SPON1: variants seen among roughly 807,000 people sequenced by gnomAD.
SPON1 encodes the protein spondin 1, also known as spondin-1.
Under a neutral mutation model 111.7 loss-of-function variants are expected in SPON1, and 52 were observed. That is an observed-to-expected ratio of 0.47 (90% CI 0.37 to 0.59). The LOEUF (loss-of-function observed/expected upper bound fraction) is 0.59, where lower values mean the gene tolerates loss of function less well. Among genes scored for constraint, SPON1 ranks in the 20% least tolerant of loss-of-function variants. The probability of loss-of-function intolerance (pLI) is 0.00; values close to 1 mark genes in which losing one functional copy is unlikely to be tolerated. For synonymous variants in SPON1, 410 were observed against 395.8 expected, an observed-to-expected ratio of 1.04 and a Z score of -0.43; for missense variants, 957 against 1,068.5, an observed-to-expected ratio of 0.90 and a Z score of 1.46.
At chr11:14,065,750 G>A (rs1591365996) in intron 3 of SPON1, among the ~76,000 whole-genome samples, 1 of 152,228 alleles carries the variant, frequency 6.6e-6, no homozygotes, top group South Asian at 2.1e-4. Flanking sequence ...ACCCCTTTGA[G>A]AAGCAGATGA....
At position 14,222,653 on chromosome 11, in the gene SPON1, C is replaced by A. The variant is rs11023148; in HGVS notation, c.826-20679C>A. 8.7e-3 allele frequency among the ~76,000 whole-genome samples: 1,318 copies of A among 152,264 alleles called. 19 individuals carry two copies. Among genetic ancestry groups the A allele is most frequent in the African/African-American group, 0.03 (1,243 of 41,538 alleles). ...GAATCCTCCCTCATCTGTATGTATA[C>A]CATCATCAGGTCGGAAAAATACCTC... On this transcript the variant is annotated intron_variant, in intron 6 of 15. Coordinates refer to ENST00000576479, the MANE Select transcript of SPON1 (RefSeq NM_006108.4).
At chr11:14,199,771 T>C (rs1026625227) in intron 6 of SPON1, among the ~76,000 whole-genome samples, 2 of 152,246 alleles carry the variant, frequency 1.3e-5, no homozygotes, top group African/African-American at 4.8e-5. Context: ...GTTCTGAGCA[T>C]GCCAGCTATA....
chr11:14,011,791 T>C (rs1328874079), intron 2 of SPON1, among the ~76,000 whole-genome samples: 1 of 152,114 alleles, frequency 6.6e-6, no homozygotes, highest in Non-Finnish European at 1.5e-5. Context: ...GGAGGAGTGT[T>C]GCTTGGAGAG....
intron 2 of SPON1, among the ~76,000 whole-genome samples, chr11:13,989,503 A>T (rs1181342908): frequency 1.3e-5 from 2 of 152,002 alleles, no homozygotes; most frequent in African/African-American, 2.4e-5. Context: ...CAGCTCCTGG[A>T]TTCATTGATT....
At chr11:14,082,735 A>G (rs1848972559) in intron 5 of SPON1, among the ~76,000 whole-genome samples, 1 of 152,250 alleles carries the variant, frequency 6.6e-6, no homozygotes, top group Admixed American at 6.5e-5. Flanking sequence ...TAATGTTCTC[A>G]AAAGTTATTT....
chr11:13,986,153 A>T (rs1848180843), intron 2 of SPON1, among the ~76,000 whole-genome samples: 1 of 152,234 alleles, frequency 6.6e-6, no homozygotes, highest in South Asian at 2.1e-4. Flanking sequence ...AAGCCTAAGG[A>T]GTCCTCCTTG....
chr11:14,238,561 T>C (rs1016101326), intron 6 of SPON1, among the ~76,000 whole-genome samples: 2 of 152,114 alleles, frequency 1.3e-5, no homozygotes, highest in Non-Finnish European at 2.9e-5. Flanking sequence ...AGTCTTACTT[T>C]CTGTTCTGCT....
intron 5 of SPON1, among the ~76,000 whole-genome samples, chr11:14,090,839 CCCCCCG>C (rs1236919451): frequency 0.013 from 507 of 38,218 alleles, 26 homozygotes; most frequent in South Asian, 0.072. Flanking sequence ...CCCCCCCCCC[CCCCCCG>C]CCCACATCCT....
chr11:14,126,798 C>T (rs1847465238), intron 5 of SPON1, among the ~76,000 whole-genome samples: 1 of 152,126 alleles, frequency 6.6e-6, no homozygotes, highest in Non-Finnish European at 1.5e-5. Flanking sequence ...TTTCCCAGCC[C>T]TCCTGATACC....
At chr11:14,066,584 C>G (rs1400916003) in intron 3 of SPON1, among the ~76,000 whole-genome samples, 10 of 152,124 alleles carry the variant, frequency 6.6e-5, no homozygotes, top group Non-Finnish European at 1.0e-4. Context: ...AGCAGGTACC[C>G]CTAAGGATTT....
chr11:14,228,059 T>C lies in SPON1; in HGVS notation c.826-15273T>C, dbSNP rs909511702. On this transcript the variant is annotated intron_variant, in intron 6 of 15. Transcript: ENST00000576479. This position sits in a 1 kb window ranked among gnomAD's most constrained non-coding sequence, Gnocchi z 4.2. The stretch of plus-strand genomic sequence containing the variant: ...TAACACAAATAAAACTGCAAACACT[T>C]TAAATGCTAATTAAGAACATTGCTT... Among the ~76,000 whole-genome samples the C allele has an allele frequency of 6.6e-6, 1 of 152,228 alleles. No homozygotes were observed. Among genetic ancestry groups the C allele is most frequent in the African/African-American group, 2.4e-5 (1 of 41,456 alleles).
Position 14,181,789 on chromosome 11 carries a change from G to A in SPON1, c.825+46221G>A, listed in dbSNP as rs1338126248. Reference sequence around the variant, plus strand: ...CTCTTCCCCTCTCTTGACTCCTATTGTATTTGCTAAAATGACACTTCTGGT... The same window carrying A: ...CTCTTCCCCTCTCTTGACTCCTATTATATTTGCTAAAATGACACTTCTGGT... On this transcript the variant is annotated intron_variant, in intron 6 of 15. Transcript: ENST00000576479. 3.9e-5 allele frequency among the ~76,000 whole-genome samples: 6 copies of A among 152,184 alleles called. No individual in the cohort carries two copies. The East Asian group carries it at 1.2e-3, about 29-fold the overall frequency.
intron 14 of SPON1, 71 bp from the exon 15 acceptor site, chr11:14,262,641 G>T (rs1258940858): frequency 1.9e-6 from 3 of 1,585,748 alleles, no homozygotes; most frequent in Non-Finnish European, 2.6e-6. Context: ...TTGTTGAGAT[G>T]TTCAAAGGAG....
chr11:14,177,914 C>T (rs1401425576), intron 6 of SPON1, among the ~76,000 whole-genome samples: 1 of 152,134 alleles, frequency 6.6e-6, no homozygotes, highest in Admixed American at 6.5e-5. Flanking sequence ...TTCCCTGACA[C>T]ATGTAAGAAT....
At chr11:14,003,510 G>A (rs748959639) in intron 2 of SPON1, among the ~76,000 whole-genome samples, 1 of 152,072 alleles carries the variant, frequency 6.6e-6, no homozygotes, top group African/African-American at 2.4e-5. Flanking sequence ...CAGTGTCTGG[G>A]AATGTTCAAG....
chr11:13,984,440 A>C (rs1308919340), intron 2 of SPON1, among the ~76,000 whole-genome samples: 1 of 152,094 alleles, frequency 6.6e-6, no homozygotes, highest in Non-Finnish European at 1.5e-5. Flanking sequence ...GCATCTTATG[A>C]GGGCCTTCTT....
chr11:14,170,607 A>T (rs1230726195), intron 6 of SPON1, among the ~76,000 whole-genome samples: 1 of 151,800 alleles, frequency 6.6e-6, no homozygotes, highest in African/African-American at 2.4e-5. Flanking sequence ...GTTTTTGTCC[A>T]TTCAGTATGA....
chr11:13,963,215 G>C (rs1373341100), intron 1 of SPON1, 73 bp downstream of exon 1: 14 of 1,213,222 alleles, frequency 1.2e-5, no homozygotes, highest in Non-Finnish European at 1.6e-5. Flanking sequence ...CGCGGTGCCG[G>C]AGGAGGGCGC....
At chr11:14,198,339 C>A (rs1554935281) in intron 6 of SPON1, among the ~76,000 whole-genome samples, 1 of 152,204 alleles carries the variant, frequency 6.6e-6, no homozygotes, top group African/African-American at 2.4e-5. Context: ...AACCTCTTTG[C>A]CTTATGACCG....
Sources: allele counts gnomAD v4.1 joint callset (sites outside exome capture counted in the v4.1 genomes callset), GRCh38; gene constraint gnomAD v4.1.1; non-coding constraint Gnocchi (gnomAD v3.1); transcripts MANE v1.5; gene names NCBI Gene and HGNC (gene_info 2026-07-23, HGNC 2026-07-21).